TTC29: variants seen among roughly 807,000 people sequenced by gnomAD.
TTC29 encodes the protein tetratricopeptide repeat domain 29, also known as tetratricopeptide repeat protein 29.
TTC29 carries 49 observed loss-of-function variants against 58.1 expected under a neutral mutation model. That is an observed-to-expected ratio of 0.84 (90% CI 0.67 to 1.07). The LOEUF (loss-of-function observed/expected upper bound fraction) is 1.07, where lower values mean the gene tolerates loss of function less well. TTC29 is among the 50% of genes least tolerant of loss of function. The pLI, the probability that TTC29 is intolerant of heterozygous loss-of-function variation, is 0.00. For synonymous variants in TTC29, 209 were observed against 196.8 expected (o/e 1.06, Z -0.52); for missense variants, 582 against 555.6 (o/e 1.05, Z -0.48).
intron 5 of TTC29, among the ~76,000 whole-genome samples, chr4:146,904,895 C>A (rs1410724394): frequency 6.6e-6 from 1 of 152,082 alleles, no homozygotes; most frequent in Non-Finnish European, 1.5e-5. Context: ...GTAAGTCACC[C>A]CAATGTTTCA....
intron 6 of TTC29, among the ~76,000 whole-genome samples, chr4:146,883,768 G>A (rs184430439): frequency 1.3e-5 from 2 of 151,878 alleles, no homozygotes; most frequent in Non-Finnish European, 2.9e-5. Flanking sequence ...CTTCCTCTCC[G>A]TGCTACTCGT....
intron 11 of TTC29, among the ~76,000 whole-genome samples, chr4:146,783,370 C>T (rs944813703): frequency 6.6e-6 from 1 of 151,738 alleles, no homozygotes; most frequent in South Asian, 2.1e-4. Flanking sequence ...AAAACTTAGC[C>T]TCTATGTAAA....
At chr4:146,806,892 T>C (rs1750658086) in intron 10 of TTC29, among the ~76,000 whole-genome samples, 1 of 152,126 alleles carries the variant, frequency 6.6e-6, no homozygotes, top group Non-Finnish European at 1.5e-5. Context: ...GCAGACCTAA[T>C]AGACATCTAC....
At chr4:146,732,814 G>A (rs753277014) in intron 11 of TTC29, among the ~76,000 whole-genome samples, 4 of 152,116 alleles carry the variant, frequency 2.6e-5, no homozygotes, top group Non-Finnish European at 5.9e-5. Flanking sequence ...AAGAGGAAGA[G>A]GAATACAGCC....
At chr4:146,815,364 T>C (rs973732674) in intron 10 of TTC29, among the ~76,000 whole-genome samples, 3 of 152,112 alleles carry the variant, frequency 2.0e-5, no homozygotes, top group African/African-American at 7.2e-5. Flanking sequence ...ATTTTCAGAT[T>C]TTTGCCTTAA....
At chr4:146,836,852 G>T (rs1469127526) in intron 8 of TTC29, among the ~76,000 whole-genome samples, 3 of 151,994 alleles carry the variant, frequency 2.0e-5, no homozygotes, top group Non-Finnish European at 4.4e-5. Flanking sequence ...AACATATGCT[G>T]GCAAAGGTTG....
intron 8 of TTC29, among the ~76,000 whole-genome samples, chr4:146,859,577 A>C (rs941519846): frequency 1.3e-5 from 2 of 152,132 alleles, no homozygotes; most frequent in Non-Finnish European, 1.5e-5. Flanking sequence ...TATTACGCAC[A>C]TAACAGTTAT....
intron 6 of TTC29, 30 bp downstream of exon 6, chr4:146,903,514 C>T (rs762062049): frequency 3.8e-6 from 6 of 1,575,206 alleles, no homozygotes; most frequent in Admixed American, 1.8e-5. Flanking sequence ...CCAAAACATA[C>T]CCAAGGCATC....
chr4:146,731,671 AATG>A lies in TTC29; in HGVS notation c.1331-24123_1331-24121del, dbSNP rs1283347976. Among the ~76,000 whole-genome samples, 5 of 152,206 alleles carry A rather than the reference AATG, an allele frequency of 3.3e-5. No individual in the cohort carries two copies. The East Asian group carries it at 9.6e-4, about 29-fold the overall frequency. On this transcript the variant is annotated intron_variant, in intron 11 of 12. Coordinates refer to ENST00000325106, the MANE Select transcript of TTC29 (RefSeq NM_031956.4). The stretch of plus-strand genomic sequence containing the variant: ...TTTTCAAAGTCTGGGTCCCAGAGAA[AATG>A]ATAAGTTGACAAATTGGGAAAATTG...
chr4:146,914,730 A>T (rs1353508990), intron 4 of TTC29, among the ~76,000 whole-genome samples: 2 of 152,178 alleles, frequency 1.3e-5, no homozygotes, highest in African/African-American at 2.4e-5. Context: ...CAAGCATTTC[A>T]TATGGGTTTT....
intron 11 of TTC29, among the ~76,000 whole-genome samples, chr4:146,799,062 A>G (rs1360723915): frequency 1.3e-5 from 2 of 152,122 alleles, no homozygotes; most frequent in African/African-American, 2.4e-5. Context: ...CACAAAGCTA[A>G]TTAGTGCTCA....
chr4:146,766,639 C>CT (rs1412252899), intron 11 of TTC29, among the ~76,000 whole-genome samples: 2 of 151,976 alleles, frequency 1.3e-5, no homozygotes, highest in African/African-American at 4.8e-5. Flanking sequence ...AATTACATTG[C>CT]AGTGATTTTC....
intron 11 of TTC29, among the ~76,000 whole-genome samples, chr4:146,751,192 A>G (rs1450685000): frequency 6.6e-6 from 1 of 152,230 alleles, no homozygotes; most frequent in East Asian, 1.9e-4. Flanking sequence ...TGCACCCAAC[A>G]TTGGAGCACC....
intron 11 of TTC29, among the ~76,000 whole-genome samples, chr4:146,798,091 G>A (rs1579697002): frequency 6.6e-6 from 1 of 151,082 alleles, no homozygotes; most frequent in East Asian, 1.9e-4. Flanking sequence ...TTTTCATCTT[G>A]GACATTTTAT....
intron 11 of TTC29, among the ~76,000 whole-genome samples, chr4:146,718,390 T>C (rs914534114): frequency 6.6e-6 from 1 of 152,216 alleles, no homozygotes; most frequent in Non-Finnish European, 1.5e-5. Flanking sequence ...ACCTTTCATC[T>C]TTTTGGTAAC....
At chr4:146,801,191 A>C (rs961326581) in intron 11 of TTC29, among the ~76,000 whole-genome samples, 2 of 152,194 alleles carry the variant, frequency 1.3e-5, no homozygotes, top group African/African-American at 4.8e-5. Flanking sequence ...TAAGCAGAGC[A>C]GAGATGGTGT....
intron 11 of TTC29, among the ~76,000 whole-genome samples, chr4:146,726,878 T>C (rs1472233691): frequency 6.6e-6 from 1 of 152,104 alleles, no homozygotes; most frequent in Non-Finnish European, 1.5e-5. Context: ...ATCACATTCC[T>C]TACTTTAAAA....
At chr4:146,809,286 A>G (rs1579724826) in intron 10 of TTC29, among the ~76,000 whole-genome samples, 1 of 150,234 alleles carries the variant, frequency 6.7e-6, no homozygotes, top group African/African-American at 2.4e-5. Context: ...TAAAAACCCC[A>G]GAAGAAAACC....
intron 11 of TTC29, among the ~76,000 whole-genome samples, chr4:146,721,550 C>A (rs772832605): frequency 5.3e-5 from 8 of 152,108 alleles, no homozygotes; most frequent in Non-Finnish European, 1.0e-4. Flanking sequence ...GAACAGTCTG[C>A]AGCTTATGAT....
Sources: allele counts gnomAD v4.1 joint callset (sites outside exome capture counted in the v4.1 genomes callset), GRCh38; gene constraint gnomAD v4.1.1; transcripts MANE v1.5; gene names NCBI Gene and HGNC (gene_info 2026-07-23, HGNC 2026-07-21).